Variants in BORCS5 observed in about 807,000 individuals in gnomAD.
BORCS5 encodes BLOC-1 related complex subunit 5.
In BORCS5, 17 loss-of-function variants were observed where a neutral mutation model predicts 22.1. The observed-to-expected ratio is 0.77, with a 90% CI of 0.53 to 1.15. BORCS5 has a LOEUF of 1.15. Ranked by LOEUF, BORCS5 falls within the 50% of genes most tolerant of loss-of-function variation. BORCS5 has a pLI of 0.00. For synonymous variants in BORCS5, 117 were observed against 99.8 expected (o/e 1.17, Z -1.03); for missense variants, 247 against 253.2 (o/e 0.98, Z 0.17).
intron 2 of BORCS5, among the ~76,000 whole-genome samples, chr12:12,423,890 A>T: frequency 6.6e-6 from 1 of 152,052 alleles, no homozygotes; most frequent in East Asian, 1.9e-4. Context: ...GGGTTTTGCC[A>T]TGTTGCCCAG....
chr12:12,427,732 C>T (rs976609757), intron 2 of BORCS5, among the ~76,000 whole-genome samples: 19 of 152,148 alleles, frequency 1.2e-4, no homozygotes, highest in Admixed American at 1.2e-3. Flanking sequence ...GTCAAGGTGC[C>T]GGCAGATTTG....
chr12:12,357,769 C>G (rs577903159), intron 1 of BORCS5, among the ~76,000 whole-genome samples: 1 of 152,344 alleles, frequency 6.6e-6, no homozygotes, highest in East Asian at 1.9e-4. Context: ...GCTACAGCCT[C>G]CTGTTTAAAA....
intron 2 of BORCS5, among the ~76,000 whole-genome samples, chr12:12,425,334 A>G (rs1339535559): frequency 1.3e-5 from 2 of 152,212 alleles, no homozygotes; most frequent in African/African-American, 4.8e-5. Flanking sequence ...CAGTGCAATT[A>G]TTTAGTTGGG....
intron 2 of BORCS5, among the ~76,000 whole-genome samples, chr12:12,410,637 G>A (rs561246655): frequency 2.0e-5 from 3 of 152,310 alleles, no homozygotes; most frequent in African/African-American, 7.2e-5. Flanking sequence ...TAGCCTTGTA[G>A]TATAGTTTGA....
At chr12:12,449,622 G>C (rs1029234167) in intron 3 of BORCS5, among the ~76,000 whole-genome samples, 3 of 152,136 alleles carry the variant, frequency 2.0e-5, no homozygotes, top group African/African-American at 7.2e-5. Context: ...TTCTGATATC[G>C]CTTAATTCTT....
chr12:12,427,250 G>C (rs56915387), intron 2 of BORCS5, among the ~76,000 whole-genome samples: 43,853 of 140,024 alleles, frequency 0.31, 7,879 homozygotes, highest in African/African-American at 0.53. Context: ...GCACAATCTC[G>C]GCTCACTGCA....
intron 2 of BORCS5, among the ~76,000 whole-genome samples, chr12:12,427,610 GT>G (rs1461063960): frequency 1.3e-5 from 2 of 152,090 alleles, no homozygotes; most frequent in African/African-American, 4.8e-5. Flanking sequence ...ATTTCTTATT[GT>G]TTTTGGGGGT....
At chr12:12,413,565 C>T (rs1276790787) in intron 2 of BORCS5, among the ~76,000 whole-genome samples, 9 of 144,324 alleles carry the variant, frequency 6.2e-5, no homozygotes, top group African/African-American at 2.1e-4. Flanking sequence ...CCGCCATTGT[C>T]ATCATGGCCC....
chr12:12,394,087 A>T (rs1274667412), intron 2 of BORCS5, among the ~76,000 whole-genome samples: 2 of 151,962 alleles, frequency 1.3e-5, no homozygotes, highest in East Asian at 3.9e-4. Flanking sequence ...GCACTTTGGG[A>T]GGCTGAGGTG....
At chr12:12,408,260 T>C (rs946780662) in intron 2 of BORCS5, among the ~76,000 whole-genome samples, 3 of 152,266 alleles carry the variant, frequency 2.0e-5, no homozygotes, top group Non-Finnish European at 2.9e-5. Flanking sequence ...GCTGTGAACA[T>C]TGATACATAA....
chr12:12,425,527 T>G (rs1419337613), intron 2 of BORCS5, among the ~76,000 whole-genome samples: 1 of 152,240 alleles, frequency 6.6e-6, no homozygotes, highest in East Asian at 1.9e-4. Context: ...TTCCATTGTT[T>G]GGATAATAGC....
intron 2 of BORCS5, among the ~76,000 whole-genome samples, chr12:12,418,212 T>G (rs1184265504): frequency 2.7e-5 from 4 of 149,682 alleles, no homozygotes; most frequent in East Asian, 1.9e-4. Context: ...TTTTTTTTTT[T>G]GTTTTTTTAG....
At chr12:12,405,893 C>T (rs1210591379) in intron 2 of BORCS5, among the ~76,000 whole-genome samples, 2 of 152,236 alleles carry the variant, frequency 1.3e-5, no homozygotes, top group Non-Finnish European at 2.9e-5. Flanking sequence ...ATGTGGATAG[C>T]TCACAGAATC....
At chr12:12,404,093 ACTTCAG>A (rs1401121309) in intron 2 of BORCS5, among the ~76,000 whole-genome samples, 1 of 152,200 alleles carries the variant, frequency 6.6e-6, no homozygotes, top group African/African-American at 2.4e-5. Context: ...ACGTAAATTT[ACTTCAG>A]AAACAGAAAT....
intron 3 of BORCS5, among the ~76,000 whole-genome samples, chr12:12,450,490 G>A (rs1240086420): frequency 6.6e-6 from 1 of 152,154 alleles, no homozygotes; most frequent in Non-Finnish European, 1.5e-5. Flanking sequence ...AATTGTCCAT[G>A]TTTTGTCTGG....
chr12:12,377,623 T>C (rs1168252618), intron 2 of BORCS5, among the ~76,000 whole-genome samples: 1 of 152,056 alleles, frequency 6.6e-6, no homozygotes. Context: ...ACAGGTCCTC[T>C]GCTCTCAAGA....
intron 3 of BORCS5, among the ~76,000 whole-genome samples, chr12:12,454,028 G>A (rs568171463): frequency 2.0e-5 from 3 of 152,200 alleles, no homozygotes; most frequent in Non-Finnish European, 2.9e-5. Flanking sequence ...TCTTTTTATG[G>A]ATGAACAATA....
chr12:12,411,563 CT>C (rs1211703231), intron 2 of BORCS5, among the ~76,000 whole-genome samples: 5 of 151,944 alleles, frequency 3.3e-5, no homozygotes, highest in Non-Finnish European at 7.4e-5. Flanking sequence ...TGTGGGCTGC[CT>C]TTTTACTCTG....
chr12:12,451,194 T>C (rs766057995), intron 3 of BORCS5, among the ~76,000 whole-genome samples: 27 of 151,196 alleles, frequency 1.8e-4, no homozygotes, highest in Non-Finnish European at 3.7e-4. Flanking sequence ...AGTGATAAAA[T>C]ATACTTTACT....
Sources: allele counts gnomAD v4.1 joint callset (sites outside exome capture counted in the v4.1 genomes callset), GRCh38; gene constraint gnomAD v4.1.1; transcripts MANE v1.5; gene names NCBI Gene and HGNC (gene_info 2026-07-23, HGNC 2026-07-21).